MATN2: variants seen among roughly 807,000 people sequenced by gnomAD.
MATN2 encodes matrilin-2.
In MATN2, 69 loss-of-function variants were observed where a neutral mutation model predicts 103.2. The ratio of observed to expected loss-of-function variants is 0.67; its 90% CI spans 0.55 to 0.82. MATN2 has a LOEUF of 0.82. MATN2 is among the 40% of genes least tolerant of loss of function. MATN2 has a pLI of 0.00. For synonymous variants in MATN2, 429 were observed against 450.2 expected (o/e 0.95, Z 0.60); for missense variants, 1,023 against 1,211.5 (o/e 0.84, Z 2.31).
chr8:98,007,377 T>A lies in MATN2; in HGVS notation c.1451-102T>A, dbSNP rs943948340. ...AGTGAGGATGTCCACTGGGACTGCATGCCTTCGAGGGAGGGCGGGGTGAGC... is the reference window on the plus strand; with the variant it reads ...AGTGAGGATGTCCACTGGGACTGCAAGCCTTCGAGGGAGGGCGGGGTGAGC... On this transcript the variant is annotated intron_variant, in intron 9 of 18. Transcript: ENST00000254898. This position sits in a 1 kb window ranked among gnomAD's most constrained non-coding sequence, Gnocchi z 4.2. 6.4e-7 allele frequency: 1 copy of A among 1,555,210 alleles called. No homozygotes were observed. Among genetic ancestry groups the A allele is most frequent in the African/African-American group, 1.4e-5 (1 of 74,030 alleles).
In MATN2 at chr8:97,878,591, T is replaced by G. The variant is rs1347584240; in HGVS notation, c.-27+9304T>G. Among the ~76,000 whole-genome samples the G allele has an allele frequency of 2.0e-5, 3 of 151,136 alleles. No homozygotes were observed. In the East Asian group the frequency reaches 5.8e-4, roughly 29 times the overall value. ...AAGTCCAGGCATGGTCGCTCATGCC[T>G]ATAATCCCAGAACTTTGGGAGAGCA... On this transcript the variant is annotated intron_variant, in intron 1 of 18. Coordinates refer to ENST00000254898, the MANE Select transcript of MATN2 (RefSeq NM_002380.5).
At chr8:97,975,626 C>G (rs995691467) in intron 5 of MATN2, among the ~76,000 whole-genome samples, 13 of 152,206 alleles carry the variant, frequency 8.5e-5, no homozygotes, top group Non-Finnish European at 1.9e-4. Flanking sequence ...AGCAGCTCCT[C>G]TCTTTGTAGG....
At chr8:98,032,859 GTTTT>G (rs1485971391) in intron 16 of MATN2, among the ~76,000 whole-genome samples, 179 bp from the exon 17 acceptor site, 1 of 151,354 alleles carries the variant, frequency 6.6e-6, no homozygotes, top group Admixed American at 6.6e-5. Context: ...TGTTGTTGTT[GTTTT>G]TTGTTTTTTT....
chr8:97,954,805 C>T (rs1811092361), intron 4 of MATN2, among the ~76,000 whole-genome samples: 1 of 152,244 alleles, frequency 6.6e-6, no homozygotes, highest in Non-Finnish European at 1.5e-5. Flanking sequence ...AGCACTGTGG[C>T]TGCCCTATGT....
At chr8:97,893,033 C>T (rs537800984) in intron 2 of MATN2, among the ~76,000 whole-genome samples, 4 of 152,234 alleles carry the variant, frequency 2.6e-5, no homozygotes, top group Non-Finnish European at 4.4e-5. Context: ...TCGAGGGCTC[C>T]AAGGAAGGAG....
At chr8:97,903,991 C>T (rs889057163) in intron 2 of MATN2, among the ~76,000 whole-genome samples, 1 of 152,154 alleles carries the variant, frequency 6.6e-6, no homozygotes, top group Admixed American at 6.5e-5. Flanking sequence ...TTGAGGTAAA[C>T]TTTACTTGAT....
chr8:97,965,892 G>C (rs769618091), intron 5 of MATN2, among the ~76,000 whole-genome samples: 4 of 152,168 alleles, frequency 2.6e-5, no homozygotes, highest in Non-Finnish European at 4.4e-5. Context: ...GCTGAGGCAG[G>C]AGAATCGCTT....
At chr8:97,949,095 T>C (rs1810852097) in intron 4 of MATN2, among the ~76,000 whole-genome samples, 1 of 151,458 alleles carries the variant, frequency 6.6e-6, no homozygotes, top group South Asian at 2.1e-4. Flanking sequence ...GGAAGACATA[T>C]GGGTAGTGAA....
chr8:98,006,898 C>T (rs774146515), intron 8 of MATN2, among the ~76,000 whole-genome samples: 3 of 152,000 alleles, frequency 2.0e-5, no homozygotes, highest in Non-Finnish European at 4.4e-5. Context: ...TGCAGTGAGC[C>T]GAGATCTCGC....
intron 2 of MATN2, among the ~76,000 whole-genome samples, chr8:97,888,706 C>T (rs1229938800): frequency 2.0e-5 from 3 of 152,178 alleles, no homozygotes; most frequent in African/African-American, 7.2e-5. Context: ...GTCTATTCAT[C>T]TGATCCAGTG....
At chr8:97,922,573 C>T (rs1259573943) in intron 2 of MATN2, among the ~76,000 whole-genome samples, 3 of 152,168 alleles carry the variant, frequency 2.0e-5, no homozygotes, top group Admixed American at 6.5e-5. Flanking sequence ...ATTTCATGTG[C>T]CAGTTCTGAC....
In MATN2 at chr8:98,035,839, A is replaced by AAC. The variant is rs1452719822; in HGVS notation, c.*128_*129dup. 6.0e-6 allele frequency: 3 copies of AAC among 502,804 alleles called. No individual in the cohort carries two copies. Among genetic ancestry groups the AAC allele is most frequent in the Non-Finnish European group, 1.0e-5 (3 of 288,002 alleles). 31.1% of individuals were successfully genotyped at this position (502,804 alleles called of 1,614,324 possible). A position where few individuals can be genotyped will look rare whatever the true frequency, so the allele number is the denominator to read the frequency against. On this transcript the variant is annotated 3_prime_UTR_variant, in exon 19 of 19. Transcript: ENST00000254898. ...TGAAGTAAAACAATCAGTACTGAGAAACCTGGTTTGCCACAGAACAAAGAC... is the reference window on the plus strand; with the variant it reads ...TGAAGTAAAACAATCAGTACTGAGAAACACCTGGTTTGCCACAGAACAAAGAC...
At position 98,027,826 on chromosome 8, in the gene MATN2, A is replaced by G; in HGVS notation, c.2353A>G (p.Asn785Asp). 6.4e-7 allele frequency: 1 copy of G among 1,562,774 alleles called. No individual in the cohort carries two copies. The highest frequency in any genetic ancestry group is 2.0e-5 in the Admixed American group (1 of 50,362). Residue 785 changes from asparagine to aspartate, a missense_variant, in exon 14 of 19, where the codon AAT (asparagine) becomes GAT (aspartate). Coordinates refer to ENST00000254898, the MANE Select transcript of MATN2 (RefSeq NM_002380.5). ...CGAGTGGGCCAGTAAAGCCAAGGCC[A>G]ATGGTAATATGGGGTGGAGGTGCGG... ...VSEWASKAKA[N>D]GITMYAVGVG...
chr8:98,022,736 G>C (rs529749700), intron 13 of MATN2, among the ~76,000 whole-genome samples: 1 of 151,540 alleles, frequency 6.6e-6, no homozygotes, highest in South Asian at 2.1e-4. Flanking sequence ...ATAAGCTTCA[G>C]CTCAGACAGA....
intron 1 of MATN2, among the ~76,000 whole-genome samples, chr8:97,882,314 T>C (rs1402058544): frequency 6.6e-6 from 1 of 152,014 alleles, no homozygotes; most frequent in Non-Finnish European, 1.5e-5. Flanking sequence ...TTAAAAATAT[T>C]TTATATTAAA....
chr8:97,901,328 C>T (rs1459156705), intron 2 of MATN2, among the ~76,000 whole-genome samples: 1 of 151,954 alleles, frequency 6.6e-6, no homozygotes, highest in East Asian at 1.9e-4. Flanking sequence ...TCTGGGTTCA[C>T]TGTAACCTCC....
chr8:97,919,001 A>G (rs760972946), intron 2 of MATN2, among the ~76,000 whole-genome samples: 33 of 152,228 alleles, frequency 2.2e-4, no homozygotes, highest in Non-Finnish European at 4.7e-4. Flanking sequence ...ATGGAACAGA[A>G]TATTTGCATC....
intron 4 of MATN2, among the ~76,000 whole-genome samples, chr8:97,950,524 T>C (rs1810912286): frequency 6.6e-6 from 1 of 152,200 alleles, no homozygotes; most frequent in Non-Finnish European, 1.5e-5. Flanking sequence ...CTGATACTCT[T>C]ATGGGGTATT....
intron 1 of MATN2, among the ~76,000 whole-genome samples, chr8:97,880,724 C>T (rs1818227151): frequency 6.6e-6 from 1 of 152,156 alleles, no homozygotes; most frequent in South Asian, 2.1e-4. Context: ...TAAATATCCT[C>T]CTCAACCCCA....
Sources: gnomAD v4.1 joint callset for allele counts (sites outside exome capture counted in the v4.1 genomes callset) on GRCh38, gnomAD v4.1.1 for gene constraint, Gnocchi (gnomAD v3.1) non-coding constraint, MANE v1.5 for transcripts, NCBI Gene and HGNC (gene_info 2026-07-23, HGNC 2026-07-21) for gene names.